Variants in NSUN3 observed in about 807,000 individuals in gnomAD.
NSUN3 encodes NOP2/Sun RNA methyltransferase 3.
Under a neutral mutation model 36.8 loss-of-function variants are expected in NSUN3, and 24 were observed. The ratio of observed to expected loss-of-function variants is 0.65; its 90% CI spans 0.47 to 0.92. NSUN3 has a LOEUF of 0.92. NSUN3 is among the 40% of genes least tolerant of loss of function. The pLI is 0.00. For synonymous variants in NSUN3, 146 were observed against 145.2 expected (o/e 1.01, Z -0.04); for missense variants, 381 against 392.8 (o/e 0.97, Z 0.25).
intron 3 of NSUN3, among the ~76,000 whole-genome samples, chr3:94,086,131 A>G (rs2077291962): frequency 6.6e-6 from 1 of 152,012 alleles, no homozygotes; most frequent in Non-Finnish European, 1.5e-5. Flanking sequence ...TTTAATAGAG[A>G]TGGGGTTTCA....
At chr3:94,122,774 C>A (rs1419005216) in intron 5 of NSUN3, among the ~76,000 whole-genome samples, 1 of 152,088 alleles carries the variant, frequency 6.6e-6, no homozygotes, top group Non-Finnish European at 1.5e-5. Context: ...ATTTCTCTCT[C>A]CCTTCTACTT....
intron 5 of NSUN3, among the ~76,000 whole-genome samples, chr3:94,114,200 C>G (rs1377712071): frequency 6.6e-6 from 1 of 152,154 alleles, no homozygotes; most frequent in Non-Finnish European, 1.5e-5. Context: ...CTCATTGCCT[C>G]AAATTCCAAA....
chr3:94,093,463 A>C (rs780174449), intron 3 of NSUN3, among the ~76,000 whole-genome samples: 24 of 152,330 alleles, frequency 1.6e-4, no homozygotes, highest in Non-Finnish European at 2.9e-4. Flanking sequence ...AGAGATTGTC[A>C]CTATGATCTA....
At chr3:94,083,021 T>G (rs1222514034) in intron 2 of NSUN3, among the ~76,000 whole-genome samples, 2 of 152,132 alleles carry the variant, frequency 1.3e-5, no homozygotes, top group Non-Finnish European at 2.9e-5. Flanking sequence ...GGAAATTGAA[T>G]ATTGTCTCTA....
intron 4 of NSUN3, 107 bp from the exon 5 acceptor site, chr3:94,094,925 AC>A: frequency 9.0e-7 from 1 of 1,114,580 alleles, no homozygotes; most frequent in South Asian, 1.5e-5. Context: ...AAATGTTTTT[AC>A]TTATTTCCTA....
intron 5 of NSUN3, among the ~76,000 whole-genome samples, chr3:94,100,118 T>C (rs904141215): frequency 6.6e-6 from 1 of 152,196 alleles, no homozygotes; most frequent in Non-Finnish European, 1.5e-5. Context: ...TCTGGCCCCA[T>C]ATTTTGAGCA....
chr3:94,084,451 G>A lies in NSUN3; in HGVS notation c.466+1G>A. The A allele has an allele frequency of 2.5e-6, 4 of 1,603,514 alleles. No individual in the cohort carries two copies. Among genetic ancestry groups the A allele is most frequent in the Non-Finnish European group, 3.4e-6 (4 of 1,174,300 alleles). On this transcript the variant is annotated splice_donor_variant, in intron 3 of 5. Transcript: ENST00000314622. LOFTEE classifies it high-confidence loss of function. ...GCTCTGCTGCAGTGTGCTTGTCCAG[G>A]TAGTGTGCTTTCCTTTCAGTATTTG...
At chr3:94,070,597 G>A (rs1416591910) in intron 2 of NSUN3, among the ~76,000 whole-genome samples, 1 of 152,196 alleles carries the variant, frequency 6.6e-6, no homozygotes, top group Admixed American at 6.5e-5. Flanking sequence ...CAACTTTCAT[G>A]TATTCTCTTT....
chr3:94,102,218 A>AC (rs1183349519), intron 5 of NSUN3, among the ~76,000 whole-genome samples: 6 of 151,288 alleles, frequency 4.0e-5, no homozygotes, highest in Non-Finnish European at 8.9e-5. Flanking sequence ...AAAAAAAAAA[A>AC]AAAAAAACAC....
At chr3:94,075,740 C>A (rs565178190) in intron 2 of NSUN3, among the ~76,000 whole-genome samples, 21 of 151,884 alleles carry the variant, frequency 1.4e-4, no homozygotes, top group African/African-American at 5.1e-4. Flanking sequence ...GCCCCCCCCC[C>A]CAATAATATT....
At chr3:94,075,246 GCAAA>G (rs531752855) in intron 2 of NSUN3, among the ~76,000 whole-genome samples, 66 of 151,710 alleles carry the variant, frequency 4.4e-4, no homozygotes, top group South Asian at 1.5e-3. Context: ...CAAGTTAAAA[GCAAA>G]CAAACAAACA....
rs2077487396 is a variant in NSUN3 at position 94,126,586 on chromosome 3, G to A, written c.*96G>A. The A allele has an allele frequency of 3.0e-5, 33 of 1,115,922 alleles. No individual in the cohort carries two copies. Among genetic ancestry groups the A allele is most frequent in the Non-Finnish European group, 4.2e-5 (33 of 789,620 alleles). The allele number at this position is 1,115,922 out of a possible 1,614,324, so 69.1% of individuals were successfully genotyped here. A position where few individuals can be genotyped will look rare whatever the true frequency, so the allele number is the denominator to read the frequency against. The stretch of plus-strand genomic sequence containing the variant: ...AATAATTATGCAGTAACTTTCTCTG[G>A]GTCTGTTTGGAATCCTATTTAGTTA... On this transcript the variant is annotated 3_prime_UTR_variant, in exon 6 of 6. Transcript: ENST00000314622.
chr3:94,078,817 C>T (rs2077256706), intron 2 of NSUN3, among the ~76,000 whole-genome samples: 1 of 152,014 alleles, frequency 6.6e-6, no homozygotes, highest in African/African-American at 2.4e-5. Flanking sequence ...TATTTTGAAC[C>T]TATGTGTGTC....
intron 2 of NSUN3, chr3:94,075,858 G>A (rs779535476): frequency 1.2e-5 from 14 of 1,132,220 alleles, no homozygotes; most frequent in Non-Finnish European, 1.6e-5. Flanking sequence ...CACTCTCAGG[G>A]TTGAGAAGAA....
chr3:94,130,590 GA>G lies in NSUN3; in HGVS notation c.*4101del, dbSNP rs1160138685. Among the ~76,000 whole-genome samples, 1 of 152,080 alleles carries G rather than the reference GA, an allele frequency of 6.6e-6. No homozygotes were observed. The highest frequency in any genetic ancestry group is 2.4e-5 in the African/African-American group (1 of 41,402). ...GGTCTTGTAACATGTTATTTTCTTA[GA>G]TCACTGGTTTCTCAGAACATGTCTT... On this transcript the variant is annotated 3_prime_UTR_variant, in exon 6 of 6. Transcript: ENST00000314622.
intron 5 of NSUN3, among the ~76,000 whole-genome samples, chr3:94,110,665 G>T (rs1487624993): frequency 6.6e-6 from 1 of 151,540 alleles, no homozygotes; most frequent in Non-Finnish European, 1.5e-5. Flanking sequence ...TAAATGTTTT[G>T]GCATGGCACA....
Position 94,116,985 on chromosome 3 carries a change from CTTTTT to C in NSUN3, c.744-9201_744-9197del, listed in dbSNP as rs60234250. The stretch of plus-strand genomic sequence containing the variant: ...TTTAAGCCAAGTGAATCTGCCACAA[CTTTTT>C]TTTTTTTTTTTTTTTTTTTTTTTTG... On this transcript the variant is annotated intron_variant, in intron 5 of 5. Transcript: ENST00000314622. Among the ~76,000 whole-genome samples, 172 of 64,010 alleles carry C rather than the reference CTTTTT, an allele frequency of 2.7e-3. 2 individuals carry two copies. Among genetic ancestry groups the C allele is most frequent in the African/African-American group, 0.011 (167 of 15,360 alleles). The allele number at this position is 64,010 out of a possible 152,430, so 42.0% of individuals were successfully genotyped here.
intron 2 of NSUN3, among the ~76,000 whole-genome samples, chr3:94,077,793 A>G (rs2077252855): frequency 6.6e-6 from 1 of 152,058 alleles, no homozygotes; most frequent in Non-Finnish European, 1.5e-5. Flanking sequence ...TATCCCCTAT[A>G]TTATTTTTTA....
chr3:94,064,656 G>C (rs754189351), intron 2 of NSUN3, 110 bp downstream of exon 2: 21 of 644,226 alleles, frequency 3.3e-5, no homozygotes, highest in Non-Finnish European at 5.6e-5. Context: ...TCTAAATCTG[G>C]TTGCCTTTTC....
Sources: gnomAD v4.1 joint callset for allele counts (sites outside exome capture counted in the v4.1 genomes callset) on GRCh38, gnomAD v4.1.1 for gene constraint, MANE v1.5 for transcripts, NCBI Gene and HGNC (gene_info 2026-07-23, HGNC 2026-07-21) for gene names.